Variants in CLIC6 observed in about 807,000 individuals in gnomAD.
The protein encoded by CLIC6 is chloride intracellular channel protein 6.
A neutral mutation model predicts 49.2 loss-of-function variants in CLIC6; 39 were observed. The observed-to-expected ratio is 0.79, with a 90% CI of 0.61 to 1.04. CLIC6 has a LOEUF of 1.04. Ranked by LOEUF, CLIC6 falls within the 50% of genes least tolerant of loss-of-function variation. The pLI is 0.00. For synonymous variants in CLIC6, 446 were observed against 433.4 expected, an observed-to-expected ratio of 1.03 and a Z score of -0.36; for missense variants, 988 against 993.1, an observed-to-expected ratio of 0.99 and a Z score of 0.07.
chr21:34,689,244 G>A (rs1330003173), intron 1 of CLIC6, among the ~76,000 whole-genome samples: 1 of 152,302 alleles, frequency 6.6e-6, no homozygotes, highest in African/African-American at 2.4e-5. Flanking sequence ...CCTCCCCTTT[G>A]GTTTTCCACA....
At chr21:34,708,563 GA>G (rs1159187181) in intron 3 of CLIC6, 136 bp from the exon 4 acceptor site, 7 of 653,710 alleles carry the variant, frequency 1.1e-5, no homozygotes, top group Non-Finnish European at 1.9e-5. Context: ...CAACCTTTGA[GA>G]GGAAAAGGGT....
Position 34,669,973 on chromosome 21 carries a change from G to A in CLIC6, c.585G>A (p.Pro195=), listed in dbSNP as rs1989506185. The change falls in exon 1 of 6, where the codon CCG becomes CCA. Residue 195 remains proline, a synonymous_variant. Coordinates refer to ENST00000349499, the MANE Select transcript of CLIC6 (RefSeq NM_053277.3). ...RVGDSVDAEG[P]AGDSVDAEGP... ...GGGACAGCGTAGACGCGGAAGGTCC[G>A]GCGGGGGACAGCGTAGACGCGGAGG... 1 of 1,384,244 alleles carries A rather than the reference G, an allele frequency of 7.2e-7. No individual in the cohort carries two copies. 85.7% of individuals were successfully genotyped at this position (1,384,244 alleles called of 1,614,324 possible).
intron 1 of CLIC6, among the ~76,000 whole-genome samples, chr21:34,705,256 C>T (rs1463748399): frequency 6.6e-6 from 1 of 152,126 alleles, no homozygotes; most frequent in Non-Finnish European, 1.5e-5. Context: ...TAAGAAAGTT[C>T]CACGGTTTAA....
At chr21:34,676,260 A>G (rs955946260) in intron 1 of CLIC6, among the ~76,000 whole-genome samples, 1 of 143,112 alleles carries the variant, frequency 7.0e-6, no homozygotes, top group Non-Finnish European at 1.5e-5. Flanking sequence ...TGGAAGGAGT[A>G]TGTAAAAGCC....
chr21:34,671,880 T>C (rs965754788), intron 1 of CLIC6, among the ~76,000 whole-genome samples: 4 of 152,272 alleles, frequency 2.6e-5, no homozygotes, highest in African/African-American at 9.6e-5. Context: ...GTGTGTTTCT[T>C]CCCTAGTGAG....
chr21:34,700,774 C>T lies in CLIC6; in HGVS notation c.1375-6506C>T, dbSNP rs536967106. Among the ~76,000 whole-genome samples, 47 of 139,494 alleles carry T rather than the reference C, an allele frequency of 3.4e-4. 7 individuals are homozygous for T. Among genetic ancestry groups the T allele is most frequent in the Non-Finnish European group, 5.6e-4 (36 of 64,520 alleles). 91.5% of individuals were successfully genotyped at this position (139,494 alleles called of 152,430 possible). On this transcript the variant is annotated intron_variant, in intron 1 of 5. Transcript: ENST00000349499. ...TCAGAAGGGACCTTAGCCTTTTCAC[C>T]GCTACAGAGGACTGTGGTGTCATTT...
At chr21:34,706,334 G>A (rs572545810) in intron 1 of CLIC6, among the ~76,000 whole-genome samples, 2 of 152,176 alleles carry the variant, frequency 1.3e-5, no homozygotes, top group Non-Finnish European at 2.9e-5. Flanking sequence ...GCAGCAGCAA[G>A]GGGATGGTTC....
intron 1 of CLIC6, among the ~76,000 whole-genome samples, chr21:34,683,686 G>T (rs145344079): frequency 0.017 from 2,587 of 152,246 alleles, 71 homozygotes; most frequent in African/African-American, 0.058. Context: ...GAGATCTGAT[G>T]GTTTAAAAGT....
intron 1 of CLIC6, among the ~76,000 whole-genome samples, chr21:34,706,317 C>T (rs192738259): frequency 3.0e-3 from 452 of 152,256 alleles, no homozygotes; most frequent in Non-Finnish European, 4.8e-3. Context: ...CACTGACTAT[C>T]GAAAGGGCAG....
In CLIC6 at chr21:34,669,345, A is replaced by G. The variant is rs1436092840; in HGVS notation, c.-44A>G. On this transcript the variant is annotated 5_prime_UTR_variant, in exon 1 of 6. Coordinates refer to ENST00000349499, the MANE Select transcript of CLIC6 (RefSeq NM_053277.3). ...TGCCCAGCGCCACCGACCCTTAAGC[A>G]GCGTCAAGGAAGGAGTCCCGATCAA... 22 of 1,228,504 alleles carry G rather than the reference A, an allele frequency of 1.8e-5. No individual in the cohort carries two copies. Among genetic ancestry groups the G allele is most frequent in the African/African-American group, 6.2e-5 (4 of 64,384 alleles). The allele number at this position is 1,228,504 out of a possible 1,614,324, so 76.1% of individuals were successfully genotyped here. A position where few individuals can be genotyped will look rare whatever the true frequency, so the allele number is the denominator to read the frequency against.
chr21:34,670,286 G>A lies in CLIC6; in HGVS notation c.898G>A (p.Gly300Arg). ...RRVSGEPQQS[G>R]DGSLSPQAEA... is the part of the protein sequence containing the mutation. ...GGTCTCGGGTGAGCCGCAGCAATCG[G>A]GGGACGGCAGCCTCTCGCCCCAGGC... The change falls in exon 1 of 6, where the codon GGG (glycine) becomes AGG (arginine). Residue 300 changes from glycine to arginine, a missense_variant. Gly to Arg is a moderately radical substitution (Grantham distance 125). This residue lies in a region of CLIC6 where 647 missense variants were observed against 596.9 expected (regional missense o/e 1.08). Transcript: ENST00000349499. 6.9e-7 allele frequency: 1 copy of A among 1,444,270 alleles called. No homozygotes were observed. 89.5% of individuals were successfully genotyped at this position (1,444,270 alleles called of 1,614,324 possible).
At chr21:34,693,177 CT>C (rs1990027234) in intron 1 of CLIC6, among the ~76,000 whole-genome samples, 1 of 152,154 alleles carries the variant, frequency 6.6e-6, no homozygotes, top group South Asian at 2.1e-4. Flanking sequence ...TCCGGTGATT[CT>C]TTTGTGAAGT....
chr21:34,670,855 C>A (rs1989550074), intron 1 of CLIC6, 93 bp downstream of exon 1: 1 of 1,363,964 alleles, frequency 7.3e-7, no homozygotes, highest in Non-Finnish European at 9.8e-7. Context: ...GGGAGGAACC[C>A]TTGGTGGTAT....
chr21:34,671,368 A>G (rs1464569694), intron 1 of CLIC6, among the ~76,000 whole-genome samples: 1 of 152,186 alleles, frequency 6.6e-6, no homozygotes, highest in Admixed American at 6.5e-5. Context: ...ATGGAGCCTT[A>G]TTGACATAAT....
intron 1 of CLIC6, among the ~76,000 whole-genome samples, chr21:34,697,539 G>A (rs2834590): frequency 0.17 from 25,962 of 152,118 alleles, 2,447 homozygotes; most frequent in African/African-American, 0.25. Flanking sequence ...GTTTTCATTA[G>A]CGAGGAGCAA....
chr21:34,673,669 A>G (rs1317131428), intron 1 of CLIC6, among the ~76,000 whole-genome samples: 2 of 152,186 alleles, frequency 1.3e-5, no homozygotes, highest in Non-Finnish European at 2.9e-5. Context: ...TTCTTATCCT[A>G]CCAATTATGC....
intron 5 of CLIC6, among the ~76,000 whole-genome samples, chr21:34,709,858 T>C (rs1568971432): frequency 6.6e-6 from 1 of 152,192 alleles, no homozygotes; most frequent in Non-Finnish European, 1.5e-5. Flanking sequence ...CAATTGAGAA[T>C]TAGAGATGAG....
chr21:34,705,692 T>C (rs914003863), intron 1 of CLIC6, among the ~76,000 whole-genome samples: 3 of 152,190 alleles, frequency 2.0e-5, no homozygotes, highest in Non-Finnish European at 4.4e-5. Context: ...TGCAGTAAGG[T>C]CACCTATTAA....
intron 1 of CLIC6, among the ~76,000 whole-genome samples, chr21:34,680,341 C>T (rs1463711006): frequency 6.6e-6 from 1 of 152,172 alleles, no homozygotes; most frequent in Non-Finnish European, 1.5e-5. Flanking sequence ...CTGCACACAG[C>T]AGGGGGTCCT....
Sources: gnomAD v4.1 joint callset for allele counts (sites outside exome capture counted in the v4.1 genomes callset) on GRCh38, gnomAD v4.1.1 for gene constraint, gnomAD v4.1.1 regional missense constraint, MANE v1.5 for transcripts, NCBI Gene and HGNC (gene_info 2026-07-23, HGNC 2026-07-21) for gene names.